ENOSF1: variants seen among roughly 807,000 people sequenced by gnomAD.
ENOSF1 encodes enolase superfamily member 1, also known as mitochondrial enolase superfamily member 1.
A neutral mutation model predicts 68.2 loss-of-function variants in ENOSF1; 73 were observed. The ratio of observed to expected loss-of-function variants is 1.07; its 90% CI spans 0.89 to 1.30. ENOSF1 has a LOEUF of 1.30. Among genes scored for constraint, ENOSF1 ranks in the 50% most tolerant of loss-of-function variants. ENOSF1 has a pLI of 0.00. For missense variants in ENOSF1, 589 were observed against 554.5 expected (o/e 1.06, Z -0.62); for synonymous variants, 223 against 210.4 (o/e 1.06, Z -0.52).
chr18:677,984 C>A, intron 12 of ENOSF1, 112 bp from the exon 13 acceptor site: 1 of 1,273,106 alleles, frequency 7.9e-7, no homozygotes, highest in Non-Finnish European at 1.1e-6. Flanking sequence ...CAGTGGCCGT[C>A]AGGAAGCCCA....
At chr18:680,687 T>G (rs137931536) in intron 11 of ENOSF1, among the ~76,000 whole-genome samples, 13,340 of 147,800 alleles carry the variant, frequency 0.09, 704 homozygotes, top group Middle Eastern at 0.17. Flanking sequence ...TTTTTTTTTT[T>G]TTTTTTTTTT....
intron 10 of ENOSF1, among the ~76,000 whole-genome samples, chr18:684,408 G>C (rs2076422711): frequency 6.6e-6 from 1 of 151,900 alleles, no homozygotes; most frequent in Non-Finnish European, 1.5e-5. Context: ...CTCACTTGTA[G>C]TCCCAGCTAC....
At position 675,404 on chromosome 18, in the gene ENOSF1, TAGG is replaced by T. The variant is rs1380080511; in HGVS notation, c.1149-5_1149-3del. 6.2e-7 allele frequency: 1 copy of T among 1,611,808 alleles called. No homozygotes were observed. The highest frequency in any genetic ancestry group is 8.5e-7 in the Non-Finnish European group (1 of 1,179,194). On this transcript the variant is annotated splice_polypyrimidine_tract_variant and splice_region_variant and intron_variant, in intron 14 of 15. Transcript: ENST00000647584. ...AGGTGGTCAACATACTCACACACCC[TAGG>T]AGGAGGGAATCAGATCGGGGCAATG...
chr18:690,859 C>T (rs1598660864), intron 7 of ENOSF1: 6 of 1,377,172 alleles, frequency 4.4e-6, no homozygotes, highest in Middle Eastern at 2.6e-4. Context: ...ATCCTAAAGC[C>T]AAACTTCCTT....
At position 694,401 on chromosome 18, in the gene ENOSF1, AT is replaced by A. The variant is rs1341548204; in HGVS notation, c.310-68del. 2.7e-6 allele frequency: 4 copies of A among 1,454,924 alleles called. No individual in the cohort carries two copies. In the African/African-American group the frequency reaches 5.6e-5, roughly 20 times the overall value. 90.1% of individuals were successfully genotyped at this position (1,454,924 alleles called of 1,614,324 possible). ...AAAAGAGGGCTGGGTGTGATGGCTC[AT>A]GCCTGTAAACCCAGGACTTTGGGAC... On this transcript the variant is annotated intron_variant, in intron 3 of 15. Coordinates refer to ENST00000647584, the MANE Select transcript of ENOSF1 (RefSeq NM_017512.7).
chr18:679,664 G>A (rs9953204), intron 11 of ENOSF1, among the ~76,000 whole-genome samples: 1 of 152,024 alleles, frequency 6.6e-6, no homozygotes, highest in East Asian at 1.9e-4. Flanking sequence ...TCCTCACCTG[G>A]TGAGGTACTG....
At position 670,539 on chromosome 18, in the gene ENOSF1, A is replaced by G. The variant is rs2144358054; in HGVS notation, c.*3766T>C. On this transcript the variant is annotated 3_prime_UTR_variant, in exon 16 of 16. Coordinates refer to ENST00000647584, the MANE Select transcript of ENOSF1 (RefSeq NM_017512.7). ...TCCCTCAGCTCCGTGCCATCGCTGC[A>G]GAGGCTGTTATGGACATCACTGCAG... 3 of 735,764 alleles carry G rather than the reference A, an allele frequency of 4.1e-6. No individual in the cohort carries two copies. The highest frequency in any genetic ancestry group is 6.7e-6 in the Non-Finnish European group (3 of 450,628). 45.6% of individuals were successfully genotyped at this position (735,764 alleles called of 1,614,324 possible).
chr18:676,554 G>A (rs183476794), intron 14 of ENOSF1, among the ~76,000 whole-genome samples: 54 of 152,246 alleles, frequency 3.5e-4, no homozygotes, highest in African/African-American at 1.1e-3. Context: ...AGCAGAAGCC[G>A]CTATGCTTCC....
intron 2 of ENOSF1, among the ~76,000 whole-genome samples, chr18:704,898 G>A (rs554236993): frequency 6.6e-6 from 1 of 151,962 alleles, no homozygotes; most frequent in African/African-American, 2.4e-5. Context: ...GAATCACCAC[G>A]CCTGGCCTAT....
rs1474720225 is a variant in ENOSF1, at chr18:673,627, AAAT to A, written c.*675_*677del. ...TGCTACTTAAAAGAGTATATTTTAG[AAAT>A]AATAGTGAATATATTTTGCCCTATT... On this transcript the variant is annotated 3_prime_UTR_variant, in exon 16 of 16. Transcript: ENST00000647584. The A allele has an allele frequency of 1.1e-5, 2 of 175,004 alleles. No individual in the cohort carries two copies. Among genetic ancestry groups the A allele is most frequent in the African/African-American group, 4.7e-5 (2 of 42,112 alleles). 10.8% of individuals were successfully genotyped at this position (175,004 alleles called of 1,614,324 possible).
At chr18:668,407 C>CCAT (rs1364681076), downstream of ENOSF1, among the ~76,000 whole-genome samples, 6 of 152,142 alleles carry the variant, frequency 3.9e-5, no homozygotes, top group African/African-American at 1.4e-4. Context: ...GCTTCCAGTT[C>CCAT]CATCTCAGAA....
At chr18:702,318 A>G (rs1410705054) in intron 2 of ENOSF1, among the ~76,000 whole-genome samples, 1 of 149,858 alleles carries the variant, frequency 6.7e-6, no homozygotes, top group East Asian at 2.0e-4. Flanking sequence ...TACATCTGCA[A>G]TCCTACCACT....
intron 10 of ENOSF1, among the ~76,000 whole-genome samples, chr18:684,833 T>A (rs2076462637): frequency 6.6e-6 from 1 of 151,736 alleles, no homozygotes; most frequent in Non-Finnish European, 1.5e-5. Context: ...CAGGACACTA[T>A]GAAAACCAGA....
chr18:692,313 C>G (rs2077267070), intron 5 of ENOSF1: 2 of 152,148 alleles, frequency 1.3e-5, no homozygotes, highest in African/African-American at 4.8e-5. Context: ...GATTCTACTT[C>G]TAAGAGTTCT....
chr18:683,354 A>T lies in ENOSF1; in HGVS notation c.768T>A (p.Asp256Glu). The change falls in exon 11 of 16, where the codon GAT becomes GAA. Residue 256 changes from aspartate (D) to glutamate (E), a missense_variant. Asp to Glu is a conservative substitution (Grantham distance 45, BLOSUM62 2). Transcript: ENST00000647584. ...ACATCCACTCCACCGCCTCAGGCAC[A>T]TCCCAGCGCTGGTTGGCATCCATCA... ...TLMMDANQRW[D>E]VPEAVEWMSK... 6.2e-7 allele frequency: 1 copy of T among 1,614,148 alleles called. No homozygotes were observed. The highest frequency in any genetic ancestry group is 8.5e-7 in the Non-Finnish European group (1 of 1,180,026).
At position 691,049 on chromosome 18, in the gene ENOSF1, A is replaced by G; in HGVS notation, c.535+19T>C. The G allele has an allele frequency of 6.2e-7, 1 of 1,614,056 alleles. No individual in the cohort carries two copies. The highest frequency in any genetic ancestry group is 8.5e-7 in the Non-Finnish European group (1 of 1,179,918). The stretch of plus-strand genomic sequence containing the variant: ...ACAATGTTAGCAAAAACAATGAAGA[A>G]AATTTTCTTACAACCCACCTCTTTC... On this transcript the variant is annotated intron_variant, in intron 7 of 15. Coordinates refer to ENST00000647584, the MANE Select transcript of ENOSF1 (RefSeq NM_017512.7).
chr18:666,167 AG>A, downstream of ENOSF1, among the ~76,000 whole-genome samples: 1 of 148,350 alleles, frequency 6.7e-6, no homozygotes, highest in Non-Finnish European at 1.5e-5. Flanking sequence ...TTTGTAGGTC[AG>A]ATGATTGGCA....
Position 706,484 on chromosome 18 carries a change from T to C in ENOSF1, c.179A>G (p.Lys60Arg). ...KGCGITFTLG[K>R]GTEVVVCAVN... ...CTTCAACTCACCAACTTCAGTGCCT[T>C]TTCCCAGAGTGAAGGTAATTCCACA... Residue 60 changes from lysine to arginine, a missense_variant, in exon 2 of 16, where the codon AAA (lysine) becomes AGA (arginine). Transcript: ENST00000647584. 6.2e-7 allele frequency: 1 copy of C among 1,613,304 alleles called. No homozygotes were observed. The highest frequency in any genetic ancestry group is 2.2e-5 in the East Asian group (1 of 44,872).
In ENOSF1 at chr18:671,026, CTT is replaced by C; in HGVS notation, c.*3277_*3278del. ...CCAGCTTTTACTTTGAAACCTTCCT[CTT>C]CTGGAAGGTTTTCTGGCCCTGTGGT... On this transcript the variant is annotated 3_prime_UTR_variant, in exon 16 of 16. Transcript: ENST00000647584. 1.1e-6 allele frequency: 1 copy of C among 879,652 alleles called. No individual in the cohort carries two copies. Among genetic ancestry groups the C allele is most frequent in the Non-Finnish European group, 1.7e-6 (1 of 590,180 alleles). The allele number at this position is 879,652 out of a possible 1,614,324, so 54.5% of individuals were successfully genotyped here. A position where few individuals can be genotyped will look rare whatever the true frequency, so the allele number is the denominator to read the frequency against.
Sources: allele counts gnomAD v4.1 joint callset (sites outside exome capture counted in the v4.1 genomes callset), GRCh38; gene constraint gnomAD v4.1.1; transcripts MANE v1.5; gene names NCBI Gene and HGNC (gene_info 2026-07-23, HGNC 2026-07-21).